The following ALKBH8 variants were observed in gnomAD, a reference collection of about 807,000 sequenced individuals.
The protein encoded by ALKBH8 is alkB homolog 8, tRNA methyltransferase.
A neutral mutation model predicts 59.8 loss-of-function variants in ALKBH8; 36 were observed. The ratio of observed to expected loss-of-function variants is 0.60; its 90% confidence interval spans 0.46 to 0.79. ALKBH8 has a LOEUF of 0.79. Ranked by LOEUF, ALKBH8 falls within the 30% of genes least tolerant of loss-of-function variation. ALKBH8 has a pLI of 0.00. For missense variants in ALKBH8, 768 were observed against 801.0 expected, an observed-to-expected ratio of 0.96 and a Z score of 0.50; for synonymous variants, 276 against 273.6, an observed-to-expected ratio of 1.01 and a Z score of -0.09.
At chr11:107,513,032 A>C (rs1315746552) in intron 10 of ALKBH8, among the ~76,000 whole-genome samples, 2 of 152,354 alleles carry the variant, frequency 1.3e-5, no homozygotes, top group African/African-American at 2.4e-5. Context: ...ACTGCCACAA[A>C]AACAAAAATT....
chr11:107,530,833 A>G, intron 8 of ALKBH8, among the ~76,000 whole-genome samples: 1 of 152,224 alleles, frequency 6.6e-6, no homozygotes, highest in East Asian at 1.9e-4. Flanking sequence ...GCTTTCAGTA[A>G]GACAATAATG....
At chr11:107,517,231 T>C (rs1210762682) in intron 10 of ALKBH8, among the ~76,000 whole-genome samples, 1 of 152,174 alleles carries the variant, frequency 6.6e-6, no homozygotes, top group Non-Finnish European at 1.5e-5. Context: ...TCACACTTGT[T>C]AGATCTGGCC....
chr11:107,524,122 G>A (rs1045678673), intron 9 of ALKBH8, among the ~76,000 whole-genome samples: 3 of 151,966 alleles, frequency 2.0e-5, no homozygotes, highest in Non-Finnish European at 2.9e-5. Context: ...CAAGTGGCGC[G>A]ATCATAGCTC....
At chr11:107,513,469 G>C (rs1049340558) in intron 10 of ALKBH8, among the ~76,000 whole-genome samples, 1 of 152,192 alleles carries the variant, frequency 6.6e-6, no homozygotes, top group African/African-American at 2.4e-5. Flanking sequence ...ACCCACTGTG[G>C]AAAGCAGTTT....
chr11:107,538,306 C>T (rs929026478), intron 7 of ALKBH8, among the ~76,000 whole-genome samples: 1 of 151,976 alleles, frequency 6.6e-6, no homozygotes, highest in Non-Finnish European at 1.5e-5. Context: ...AACATTCCAT[C>T]ATCAAAATAA....
intron 3 of ALKBH8, among the ~76,000 whole-genome samples, chr11:107,554,218 C>A (rs921333337): frequency 6.6e-6 from 1 of 152,134 alleles, no homozygotes; most frequent in Non-Finnish European, 1.5e-5. Context: ...TTTAAGTAGC[C>A]GGTGTGAACA....
intron 3 of ALKBH8, among the ~76,000 whole-genome samples, chr11:107,555,087 G>A (rs565048578): frequency 1.4e-4 from 21 of 152,048 alleles, no homozygotes; most frequent in Non-Finnish European, 2.2e-4. Context: ...GTAAAACCCC[G>A]TCTCTACTAA....
chr11:107,546,322 A>G (rs1591308393), intron 7 of ALKBH8, among the ~76,000 whole-genome samples: 2 of 152,336 alleles, frequency 1.3e-5, no homozygotes, highest in East Asian at 3.9e-4. Context: ...GTTTATTATC[A>G]TAAAAGGTTA....
chr11:107,557,640 T>C, intron 2 of ALKBH8, among the ~76,000 whole-genome samples: 1 of 152,126 alleles, frequency 6.6e-6, no homozygotes, highest in East Asian at 1.9e-4. Context: ...TGAACATAAT[T>C]AGGAAAAAAT....
intron 7 of ALKBH8, 122 bp from the exon 8 acceptor site, chr11:107,532,528 G>T: frequency 1.4e-6 from 1 of 731,500 alleles, no homozygotes; most frequent in South Asian, 1.8e-5. Context: ...AATAATGCTT[G>T]CAGAAAAGCA....
chr11:107,527,673 T>C (rs1366654858), intron 8 of ALKBH8, among the ~76,000 whole-genome samples: 2 of 152,044 alleles, frequency 1.3e-5, no homozygotes, highest in African/African-American at 2.4e-5. Flanking sequence ...AATATTGACC[T>C]TGTATGTCGC....
intron 2 of ALKBH8, among the ~76,000 whole-genome samples, chr11:107,559,762 TCCTAAATTCAAATGTG>T (rs1363895942): frequency 6.6e-6 from 1 of 152,182 alleles, no homozygotes. Context: ...GCCTTTTACC[TCCTAAATTCAAATGTG>T]CCTCAACAGA....
chr11:107,553,974 C>A lies in ALKBH8; in HGVS notation c.372G>T (p.Gln124His). ...TLYLNFVEKV[Q>H]WKELRPQALP... Reference sequence around the variant, plus strand: ...AGGCTTGAGGCCTCAACTCCTTCCACTGCACTATGGGAAACCAAATTAAAA... The same window carrying A: ...AGGCTTGAGGCCTCAACTCCTTCCAATGCACTATGGGAAACCAAATTAAAA... Residue 124 changes from glutamine (Q) to histidine (H), a missense_variant, in exon 4 of 12, where the codon CAG becomes CAT. Coordinates refer to ENST00000428149, the MANE Select transcript of ALKBH8 (RefSeq NM_138775.3). The A allele has an allele frequency of 6.2e-7, 1 of 1,613,636 alleles. No individual in the cohort carries two copies. The highest frequency in any genetic ancestry group is 8.5e-7 in the Non-Finnish European group (1 of 1,179,786).
intron 6 of ALKBH8, 137 bp from the exon 7 acceptor site, chr11:107,549,960 G>A: frequency 3.4e-6 from 2 of 587,022 alleles, no homozygotes; most frequent in South Asian, 2.7e-5. Context: ...TTGGTTAAAA[G>A]GAAACATTTA....
intron 7 of ALKBH8, among the ~76,000 whole-genome samples, chr11:107,534,580 T>C (rs898178810): frequency 5.9e-5 from 9 of 152,174 alleles, no homozygotes; most frequent in Admixed American, 3.3e-4. Flanking sequence ...GATTTTCAAA[T>C]AGGAAAATTT....
chr11:107,523,123 A>C (rs1863195639), intron 9 of ALKBH8, among the ~76,000 whole-genome samples: 1 of 152,232 alleles, frequency 6.6e-6, no homozygotes, highest in African/African-American at 2.4e-5. Flanking sequence ...ATATATCCAA[A>C]GAAAATGAAA....
intron 6 of ALKBH8, 141 bp downstream of exon 6, chr11:107,551,667 A>C (rs189694957): frequency 6.7e-4 from 188 of 278,538 alleles, no homozygotes; most frequent in Middle Eastern, 5.3e-3. Context: ...GCACTCCAGC[A>C]TGGGCAACAA....
chr11:107,528,265 T>A (rs1479593795), intron 8 of ALKBH8, among the ~76,000 whole-genome samples: 1 of 152,160 alleles, frequency 6.6e-6, no homozygotes, highest in Non-Finnish European at 1.5e-5. Context: ...TGTAATTTTC[T>A]TTTATTTAAT....
chr11:107,504,447 G>C lies in ALKBH8; in HGVS notation c.*211C>G, dbSNP rs1862289538. 2.9e-6 allele frequency: 2 copies of C among 680,580 alleles called. No individual in the cohort carries two copies. Among genetic ancestry groups the C allele is most frequent in the East Asian group, 5.4e-5 (2 of 37,188 alleles). The allele number at this position is 680,580 out of a possible 1,614,324, so 42.2% of individuals were successfully genotyped here. A position where few individuals can be genotyped will look rare whatever the true frequency, so the allele number is the denominator to read the frequency against. ...ACTTTTAGAAACCACCTCTCCTAGG[G>C]AAGTAGGAGGAGCCAACACCACATC... On this transcript the variant is annotated 3_prime_UTR_variant, in exon 12 of 12. Coordinates refer to ENST00000428149, the MANE Select transcript of ALKBH8 (RefSeq NM_138775.3).
Sources: gnomAD v4.1 joint callset for allele counts (sites outside exome capture counted in the v4.1 genomes callset) on GRCh38, gnomAD v4.1.1 for gene constraint, MANE v1.5 for transcripts, NCBI Gene and HGNC (gene_info 2026-07-23, HGNC 2026-07-21) for gene names.